The following PLAC1 variants were observed in gnomAD, a reference collection of about 807,000 sequenced individuals.
PLAC1 encodes placenta-specific protein 1.
For missense variants in PLAC1, 136 were observed against 163.2 expected, an observed-to-expected ratio of 0.83 and a Z score of 0.91; for synonymous variants, 68 against 62.1, an observed-to-expected ratio of 1.09 and a Z score of -0.44.
chrX:134,698,795 A>T (rs2078573234), intron 2 of PLAC1, among the ~76,000 whole-genome samples: 1 of 111,607 alleles, frequency 9.0e-6, no homozygotes, highest in South Asian at 3.8e-4. Context: ...CTGTCTTCTT[A>T]AAATATCTGC....
At chrX:134,705,041 T>C (rs2078599323) in intron 2 of PLAC1, among the ~76,000 whole-genome samples, 1 of 99,855 alleles carries the variant, frequency 1.0e-5, no homozygotes, top group African/African-American at 3.8e-5. Context: ...CACACTAATA[T>C]ATAAAATATA....
At chrX:134,585,464 C>CT (rs1478395877) in intron 2 of PLAC1, among the ~76,000 whole-genome samples, 1 of 111,363 alleles carries the variant, frequency 9.0e-6, no homozygotes, top group African/African-American at 3.3e-5. Flanking sequence ...TGGGGTCTGA[C>CT]TTAGCAAGCT....
intron 1 of PLAC1, among the ~76,000 whole-genome samples, chrX:134,744,022 G>A (rs763928472): frequency 3.6e-5 from 4 of 112,161 alleles, no homozygotes; most frequent in Admixed American, 2.8e-4. Flanking sequence ...GGTGGCTCAC[G>A]CCTGTAATCC....
intron 1 of PLAC1, among the ~76,000 whole-genome samples, chrX:134,630,796 T>C (rs998860704): frequency 2.7e-5 from 3 of 112,029 alleles, no homozygotes; most frequent in Non-Finnish European, 3.8e-5. Context: ...ATTATTATTA[T>C]CTACTTTAGA....
intron 1 of PLAC1, among the ~76,000 whole-genome samples, chrX:134,616,055 G>A (rs73566625): frequency 1.4e-4 from 16 of 110,402 alleles, no homozygotes; most frequent in Non-Finnish European, 2.6e-4. Context: ...TCATAGCACA[G>A]TGTAACCTTG....
intron 1 of PLAC1, among the ~76,000 whole-genome samples, chrX:134,741,365 A>T (rs2078716519): frequency 8.9e-6 from 1 of 112,325 alleles, no homozygotes; most frequent in African/African-American, 3.2e-5. Flanking sequence ...GGAAGAAAAA[A>T]TGTCAGAAGC....
At chrX:134,761,386 C>G (rs1355045732) in intron 1 of PLAC1, among the ~76,000 whole-genome samples, 1 of 111,756 alleles carries the variant, frequency 8.9e-6, no homozygotes, top group Non-Finnish European at 1.9e-5. Flanking sequence ...AAACCTGTTC[C>G]TTTTTACTCA....
intron 2 of PLAC1, among the ~76,000 whole-genome samples, chrX:134,596,984 G>T (rs919914894): frequency 1.8e-5 from 2 of 111,041 alleles, no homozygotes; most frequent in Non-Finnish European, 3.8e-5. Context: ...TCTTAGTGTG[G>T]ATTTCTTTGG....
intron 1 of PLAC1, among the ~76,000 whole-genome samples, chrX:134,610,039 G>A (rs1025328655): frequency 6.3e-5 from 7 of 110,547 alleles, no homozygotes; most frequent in Non-Finnish European, 9.5e-5. Flanking sequence ...GTGCAATGGC[G>A]CAATCTCAGC....
chrX:134,665,104 GTGTT>G (rs1332450145), intron 2 of PLAC1, among the ~76,000 whole-genome samples: 3 of 109,620 alleles, frequency 2.7e-5, no homozygotes, highest in East Asian at 2.8e-4. Flanking sequence ...GTATGTGAGT[GTGTT>G]TGTGTGTGTG....
intron 2 of PLAC1, among the ~76,000 whole-genome samples, chrX:134,596,781 GA>G (rs2078064060): frequency 9.1e-6 from 1 of 109,742 alleles, no homozygotes; most frequent in Non-Finnish European, 1.9e-5. Flanking sequence ...ACTTTTTGCA[GA>G]GATGGGGTTT....
chrX:134,712,908 T>G lies in PLAC1; in HGVS notation n.174+20527A>C, dbSNP rs932914635. 6.3e-5 allele frequency among the ~76,000 whole-genome samples: 7 copies of G among 111,994 alleles called. No individual in the cohort carries two copies. In the Admixed American group the frequency reaches 6.6e-4, roughly 11 times the overall value. ...TAACTCTCATCAAAACAAACTGAAA[T>G]GCAAGCAGGTGAGAGTGATGCTATT... On this transcript the variant is annotated intron_variant and non_coding_transcript_variant, in intron 2 of 2. Coordinates refer to the PLAC1 transcript ENST00000466797.
upstream of PLAC1, among the ~76,000 whole-genome samples, chrX:134,660,425 A>C (rs2078412570): frequency 8.9e-6 from 1 of 112,348 alleles, no homozygotes; most frequent in African/African-American, 3.2e-5. Context: ...TTTAAAAAGG[A>C]ATAGAAACTA....
At chrX:134,587,637 C>T (rs943624084) in intron 2 of PLAC1, among the ~76,000 whole-genome samples, 5 of 110,530 alleles carry the variant, frequency 4.5e-5, no homozygotes, top group Admixed American at 9.6e-5. Context: ...TCTAGGGAGG[C>T]GTAGCCCTTT....
chrX:134,631,805 C>T (rs1250152282), intron 1 of PLAC1, among the ~76,000 whole-genome samples: 2 of 112,097 alleles, frequency 1.8e-5, no homozygotes, highest in Admixed American at 9.5e-5. Context: ...CCCCCCAAAA[C>T]GGGCTTTAAC....
chrX:134,667,769 T>A (rs770642863), intron 2 of PLAC1, among the ~76,000 whole-genome samples: 209 of 108,389 alleles, frequency 1.9e-3, no homozygotes, highest in African/African-American at 6.0e-3. Flanking sequence ...AAAAAAAAAA[T>A]TTTTTTAAAT....
At chrX:134,764,221 T>C (rs1354271749) in intron 1 of PLAC1, 1 of 112,357 alleles carries the variant, frequency 8.9e-6, no homozygotes, top group African/African-American at 3.2e-5. Flanking sequence ...AGGTATATAT[T>C]AATAAAGATT....
intron 2 of PLAC1, among the ~76,000 whole-genome samples, chrX:134,591,163 C>T (rs910242342): frequency 3.6e-5 from 4 of 112,286 alleles, no homozygotes; most frequent in Non-Finnish European, 7.5e-5. Context: ...TATCTTTCAT[C>T]TTTGAAAATG....
intron 2 of PLAC1, among the ~76,000 whole-genome samples, chrX:134,578,329 C>A (rs1458230194): frequency 9.7e-6 from 1 of 102,591 alleles, no homozygotes; most frequent in African/African-American, 3.6e-5. Context: ...AGGAGAATGG[C>A]GTGAACCCGG....
Sources: gnomAD v4.1 joint callset for allele counts (sites outside exome capture counted in the v4.1 genomes callset) on GRCh38, gnomAD v4.1.1 for gene constraint, MANE v1.5 for transcripts, NCBI Gene and HGNC (gene_info 2026-07-23, HGNC 2026-07-21) for gene names.